The following MIB1 variants were observed in gnomAD, a reference collection of about 807,000 sequenced individuals.
MIB1 encodes MIB E3 ubiquitin protein ligase 1.
MIB1 carries 278 observed loss-of-function variants against 124.5 expected under a neutral mutation model. The ratio of observed to expected loss-of-function variants is 2.23; its 90% confidence interval spans 2.02 to 2.47. MIB1 has a LOEUF of 2.47. Ranked by LOEUF, MIB1 falls within the 30% of genes most tolerant of loss-of-function variation. The pLI is 0.00. For missense variants in MIB1, 957 were observed against 1,254.4 expected (o/e 0.76, Z 3.58); for synonymous variants, 446 against 429.4 (o/e 1.04, Z -0.48).
chr18:21,765,011 A>G (rs576507619), intron 1 of MIB1, among the ~76,000 whole-genome samples: 55 of 152,328 alleles, frequency 3.6e-4, no homozygotes, highest in Non-Finnish European at 5.9e-4. Flanking sequence ...AGTGATATTA[A>G]TATAACAATA....
At chr18:21,850,471 C>T (rs925561829) in intron 17 of MIB1, among the ~76,000 whole-genome samples, 2 of 152,110 alleles carry the variant, frequency 1.3e-5, no homozygotes, top group Non-Finnish European at 2.9e-5. Context: ...AATGAATTAG[C>T]TGGCAGGGAC....
intron 16 of MIB1, 75 bp downstream of exon 16, chr18:21,847,200 G>A: frequency 8.1e-7 from 1 of 1,237,918 alleles, no homozygotes; most frequent in Non-Finnish European, 1.1e-6. Flanking sequence ...TGGAGGACGT[G>A]GCTACTTGAA....
At chr18:21,740,312 C>G (rs1377813455), upstream of MIB1, among the ~76,000 whole-genome samples, 2 of 152,212 alleles carry the variant, frequency 1.3e-5, no homozygotes, top group Non-Finnish European at 2.9e-5. Context: ...CCTAATTCTG[C>G]ATAAAGTCAA....
intron 1 of MIB1, among the ~76,000 whole-genome samples, chr18:21,749,702 G>A (rs966492104): frequency 2.2e-4 from 30 of 133,932 alleles, no homozygotes; most frequent in Non-Finnish European, 3.6e-4. Flanking sequence ...GTACAATGGC[G>A]CGATCTTGGC....
chr18:21,839,873 C>A (rs74840032), intron 13 of MIB1, among the ~76,000 whole-genome samples: 1,713 of 152,298 alleles, frequency 0.011, 16 homozygotes, highest in Non-Finnish European at 0.019. Flanking sequence ...TGTTCTTCAG[C>A]AGCTTTTTGC....
intron 1 of MIB1, among the ~76,000 whole-genome samples, chr18:21,708,312 T>G (rs2040649617): frequency 6.6e-6 from 1 of 152,216 alleles, no homozygotes; most frequent in African/African-American, 2.4e-5. Context: ...AGATGGAGGT[T>G]GTCCAAGTTT....
At chr18:21,839,450 T>G (rs2042062356) in intron 13 of MIB1, among the ~76,000 whole-genome samples, 1 of 152,338 alleles carries the variant, frequency 6.6e-6, no homozygotes, top group Admixed American at 6.5e-5. Flanking sequence ...TAAATCCTCT[T>G]TCTTTGTCTT....
Position 21,768,663 on chromosome 18 carries a change from G to T in MIB1, c.442G>T (p.Ala148Ser), listed in dbSNP as rs369261422. Residue 148 changes from alanine (A) to serine (S), a missense_variant, in exon 3 of 21, where the codon GCC becomes TCC. Coordinates refer to ENST00000261537, the MANE Select transcript of MIB1 (RefSeq NM_020774.4). The part of the protein sequence containing the change: ...ESRRKSKKIT[A>S]RGIFAGARVV... ...TCGTAGGAAATCTAAGAAGATTACA[G>T]CCAGAGGAATCTTTGCAGGTGCCAG... 11 of 1,599,378 alleles carry T rather than the reference G, an allele frequency of 6.9e-6. No individual in the cohort carries two copies. The African/African-American group carries it at 1.5e-4, about 21-fold the overall frequency.
At chr18:21,763,119 T>G (rs1330255506) in intron 1 of MIB1, among the ~76,000 whole-genome samples, 1 of 151,966 alleles carries the variant, frequency 6.6e-6, no homozygotes, top group Non-Finnish European at 1.5e-5. Flanking sequence ...TTCTAACAAT[T>G]TAGCCTCACA....
intron 12 of MIB1, among the ~76,000 whole-genome samples, chr18:21,824,680 C>G (rs998032130): frequency 1.3e-5 from 2 of 152,012 alleles, no homozygotes; most frequent in African/African-American, 4.8e-5. Context: ...CTTTTGCCCA[C>G]AGTCTTTTAG....
chr18:21,746,314 T>C (rs953838518), intron 1 of MIB1, among the ~76,000 whole-genome samples: 15 of 152,226 alleles, frequency 9.9e-5, no homozygotes, highest in African/African-American at 3.1e-4. Context: ...TATGCGGGTC[T>C]CTAATATTTT....
intron 12 of MIB1, chr18:21,828,317 T>C (rs2041945986): frequency 6.6e-6 from 1 of 151,918 alleles, no homozygotes; most frequent in Non-Finnish European, 1.5e-5. Context: ...GACCAGAATT[T>C]TGTCATTTTT....
chr18:21,804,186 A>G (rs2041679725), intron 10 of MIB1, among the ~76,000 whole-genome samples, 172 bp downstream of exon 10: 1 of 152,328 alleles, frequency 6.6e-6, no homozygotes, highest in Non-Finnish European at 1.5e-5. Context: ...TCTTTCTGTG[A>G]TCCTTTATAT....
intron 5 of MIB1, 86 bp from the exon 6 acceptor site, chr18:21,779,395 T>C (rs1015962169): frequency 9.4e-7 from 1 of 1,062,014 alleles, no homozygotes; most frequent in Admixed American, 1.9e-5. Context: ...GAAACTAAAA[T>C]ATCTACATGT....
chr18:21,862,838 C>G (rs895625768), intron 20 of MIB1, among the ~76,000 whole-genome samples: 1 of 152,180 alleles, frequency 6.6e-6, no homozygotes, highest in Admixed American at 6.5e-5. Context: ...AGCACTGCTC[C>G]CCACCCTGCA....
At chr18:21,725,509 C>T (rs749773707) in intron 1 of MIB1, among the ~76,000 whole-genome samples, 4 of 152,160 alleles carry the variant, frequency 2.6e-5, no homozygotes, top group African/African-American at 7.2e-5. Context: ...AAGCTTCCAT[C>T]ATTATCAATT....
chr18:21,844,309 T>A, intron 15 of MIB1, 56 bp downstream of exon 15: 1 of 1,537,220 alleles, frequency 6.5e-7, no homozygotes, highest in African/African-American at 1.4e-5. Context: ...TCATGCAAGA[T>A]CTTATATTTA....
chr18:21,828,983 A>G (rs182023736), intron 12 of MIB1: 1 of 469,206 alleles, frequency 2.1e-6, no homozygotes, highest in Middle Eastern at 3.3e-4. Flanking sequence ...GCTCAGTTTA[A>G]TTCTCCCTTG....
Position 21,778,107 on chromosome 18 carries a change from A to G in MIB1, c.641A>G (p.Asp214Gly). The G allele has an allele frequency of 6.2e-7, 1 of 1,611,242 alleles. No homozygotes were observed. The highest frequency in any genetic ancestry group is 8.5e-7 in the Non-Finnish European group (1 of 1,177,782). Reference sequence around the variant, plus strand: ...TCTGGTTTCTTTTCTTCTTAGTCTGATCTGAAATGTGTCCAGGATGCCAAG... The same window carrying G: ...TCTGGTTTCTTTTCTTCTTAGTCTGGTCTGAAATGTGTCCAGGATGCCAAG... Reference protein sequence around the residue: ...LYRVGFEGMSDLKCVQDAKGG... With the variant: ...LYRVGFEGMSGLKCVQDAKGG... Residue 214 changes from aspartate to glycine, a missense_variant, in exon 5 of 21, where the codon GAT becomes GGT. Coordinates refer to ENST00000261537, the MANE Select transcript of MIB1 (RefSeq NM_020774.4).
Sources: allele counts gnomAD v4.1 joint callset (sites outside exome capture counted in the v4.1 genomes callset), GRCh38; gene constraint gnomAD v4.1.1; transcripts MANE v1.5; gene names NCBI Gene and HGNC (gene_info 2026-07-23, HGNC 2026-07-21).